Variants in CEP57L1 observed in about 807,000 individuals in gnomAD.
CEP57L1 encodes the protein centrosomal protein CEP57L1.
CEP57L1 carries 37 observed loss-of-function variants against 61.0 expected under a neutral mutation model. The observed-to-expected ratio is 0.61, with a 90% CI of 0.47 to 0.80. The LOEUF is 0.80. Ranked by LOEUF, CEP57L1 falls within the 30% of genes least tolerant of loss-of-function variation. The pLI is 0.00. For synonymous variants in CEP57L1, 137 were observed against 162.3 expected (o/e 0.84, Z 1.19); for missense variants, 422 against 524.7 (o/e 0.80, Z 1.91).
At position 109,153,824 on chromosome 6, in the gene CEP57L1, C is replaced by A. The variant is rs368876322; in HGVS notation, c.463-9C>A. ...TTCAGGGTTGCTATTTTATTTTTAT[C>A]CTTTCTAGGCCCAGCTTCAGAGGGA... is the stretch of plus-strand genomic sequence containing the variant. On this transcript the variant is annotated splice_polypyrimidine_tract_variant and intron_variant, in intron 4 of 10. Transcript: ENST00000517392. The A allele has an allele frequency of 1.3e-5, 21 of 1,573,834 alleles. No individual in the cohort carries two copies. Among genetic ancestry groups the A allele is most frequent in the Non-Finnish European group, 1.8e-5 (21 of 1,149,100 alleles).
intron 1 of CEP57L1, among the ~76,000 whole-genome samples, chr6:109,128,319 TGAG>T: frequency 6.6e-6 from 1 of 152,238 alleles, no homozygotes; most frequent in Non-Finnish European, 1.5e-5. Context: ...CCAAAAATTT[TGAG>T]GAGTATTTCT....
At chr6:109,117,154 T>C (rs1480477988) in intron 1 of CEP57L1, among the ~76,000 whole-genome samples, 1 of 152,188 alleles carries the variant, frequency 6.6e-6, no homozygotes, top group Non-Finnish European at 1.5e-5. Flanking sequence ...AGTATGTTTG[T>C]GTCAAACTTC....
chr6:109,135,144 T>C (rs1345479560), intron 1 of CEP57L1, among the ~76,000 whole-genome samples: 5 of 151,994 alleles, frequency 3.3e-5, no homozygotes, highest in Admixed American at 1.3e-4. Flanking sequence ...GGAGGCATCA[T>C]GCTACCTGAC....
At chr6:109,112,458 A>AT (rs1771773818) in intron 1 of CEP57L1, among the ~76,000 whole-genome samples, 1 of 151,978 alleles carries the variant, frequency 6.6e-6, no homozygotes, top group Non-Finnish European at 1.5e-5. Context: ...TTTTCAAAAA[A>AT]CCGGCTCCTG....
chr6:109,103,995 G>A (rs900808500), intron 1 of CEP57L1, among the ~76,000 whole-genome samples: 5 of 149,010 alleles, frequency 3.4e-5, no homozygotes, highest in African/African-American at 1.2e-4. Flanking sequence ...ACTACCCCTT[G>A]GAATGAACAA....
intron 1 of CEP57L1, among the ~76,000 whole-genome samples, chr6:109,119,243 A>G (rs1772666973): frequency 6.6e-6 from 1 of 152,204 alleles, no homozygotes; most frequent in Non-Finnish European, 1.5e-5. Flanking sequence ...TTGAAGTAAC[A>G]TGGCTGGATT....
At position 109,171,768 on chromosome 6, in the gene CEP57L1, TG is replaced by T. The variant is rs1774419045; in HGVS notation, c.*8800del. On this transcript the variant is annotated 3_prime_UTR_variant, in exon 11 of 11. Transcript: ENST00000517392. Reference sequence around the variant, plus strand: ...TCACCAAGTTTAGTTATTCTTTTCATGGTGGAAAACAGTTTCCTCAGATAAT... The same window carrying T: ...TCACCAAGTTTAGTTATTCTTTTCATGTGGAAAACAGTTTCCTCAGATAAT... Among the ~76,000 whole-genome samples, 1 of 152,240 alleles carries T rather than the reference TG, an allele frequency of 6.6e-6. No individual in the cohort carries two copies. Among genetic ancestry groups the T allele is most frequent in the Non-Finnish European group, 1.5e-5 (1 of 68,046 alleles).
chr6:109,133,776 A>G (rs918935937), intron 1 of CEP57L1, among the ~76,000 whole-genome samples: 3 of 152,248 alleles, frequency 2.0e-5, no homozygotes, highest in Admixed American at 6.5e-5. Context: ...AGAGAATACT[A>G]TAAACACCTC....
intron 1 of CEP57L1, among the ~76,000 whole-genome samples, chr6:109,138,964 T>A (rs749117647): frequency 1.3e-5 from 2 of 152,218 alleles, no homozygotes; most frequent in South Asian, 4.1e-4. Context: ...TTTTCTTTTC[T>A]TATGAAGTCA....
chr6:109,130,224 C>G (rs756067367), intron 1 of CEP57L1, among the ~76,000 whole-genome samples: 1 of 152,176 alleles, frequency 6.6e-6, no homozygotes, highest in Non-Finnish European at 1.5e-5. Flanking sequence ...CACTCCCCCC[C>G]AGCAACCACC....
chr6:109,153,649 TAAC>T (rs756855452), intron 4 of CEP57L1, among the ~76,000 whole-genome samples, 181 bp from the exon 5 acceptor site: 1 of 152,174 alleles, frequency 6.6e-6, no homozygotes, highest in Admixed American at 6.5e-5. Context: ...AAAAAATAAA[TAAC>T]AAAAAGTATT....
intron 1 of CEP57L1, among the ~76,000 whole-genome samples, chr6:109,099,311 G>C (rs746635535): frequency 5.2e-4 from 79 of 152,304 alleles, no homozygotes; most frequent in Admixed American, 2.0e-3. Context: ...GGAGCAGCCA[G>C]TGAGCAGAGA....
chr6:109,155,589 T>A (rs1324667685), intron 6 of CEP57L1, among the ~76,000 whole-genome samples: 1 of 151,934 alleles, frequency 6.6e-6, no homozygotes, highest in Admixed American at 6.6e-5. Context: ...TATTAAATAA[T>A]TTATTCTTTT....
At chr6:109,097,071 T>C (rs1357153121) in intron 1 of CEP57L1, among the ~76,000 whole-genome samples, 1 of 152,240 alleles carries the variant, frequency 6.6e-6, no homozygotes, top group Non-Finnish European at 1.5e-5. Flanking sequence ...TCTTTTTCAG[T>C]GTTCCTTATT....
intron 1 of CEP57L1, among the ~76,000 whole-genome samples, chr6:109,100,585 G>C (rs2114546014): frequency 6.9e-6 from 1 of 145,784 alleles, no homozygotes; most frequent in South Asian, 2.2e-4. Flanking sequence ...TGAGGCAGGA[G>C]AATCGCTTGA....
Position 109,126,124 on chromosome 6 carries a change from C to T in CEP57L1, c.-3-19095C>T, listed in dbSNP as rs1046686901. ...TTTTACAAATATTTTTTGGATTAGG[C>T]CCTGAAGATATGTATGCCCCTTTGC... On this transcript the variant is annotated intron_variant, in intron 1 of 10. Coordinates refer to ENST00000517392, the MANE Select transcript of CEP57L1 (RefSeq NM_001271852.3). Among the ~76,000 whole-genome samples the T allele has an allele frequency of 2.0e-5, 3 of 152,082 alleles. No homozygotes were observed. In the South Asian group the frequency reaches 6.2e-4, roughly 32 times the overall value.
rs1489242103 is a variant in CEP57L1 at position 109,155,877 on chromosome 6, G to A, written c.744G>A (p.Lys248=). ...CCAAGGAAAAGAAGAAATCTTCAAAGGTGTGCATATAAAATTTTTTCCCAA... is the reference window on the plus strand; with the variant it reads ...CCAAGGAAAAGAAGAAATCTTCAAAAGTGTGCATATAAAATTTTTTCCCAA... ...KHSKEKKKSS[K]KTKCIKRRPP... is the part of the protein sequence containing the mutation. Residue 248 remains lysine (K), a splice_region_variant and synonymous_variant, in exon 7 of 11, where the codon AAG becomes AAA. Transcript: ENST00000517392. 2 of 1,538,152 alleles carry A rather than the reference G, an allele frequency of 1.3e-6. No individual in the cohort carries two copies. Among genetic ancestry groups the A allele is most frequent in the African/African-American group, 1.4e-5 (1 of 72,608 alleles).
At chr6:109,151,413 C>A (rs1772603071) in intron 4 of CEP57L1, among the ~76,000 whole-genome samples, 1 of 152,136 alleles carries the variant, frequency 6.6e-6, no homozygotes, top group East Asian at 1.9e-4. Context: ...CCACAGTCTG[C>A]CATAAATCTG....
At chr6:109,134,574 A>G (rs1774596926) in intron 1 of CEP57L1, among the ~76,000 whole-genome samples, 1 of 152,228 alleles carries the variant, frequency 6.6e-6, no homozygotes. Context: ...GCAATCAGGC[A>G]GGAGAAGGAA....
Sources: gnomAD v4.1 joint callset for allele counts (sites outside exome capture counted in the v4.1 genomes callset) on GRCh38, gnomAD v4.1.1 for gene constraint, MANE v1.5 for transcripts, NCBI Gene and HGNC (gene_info 2026-07-23, HGNC 2026-07-21) for gene names.